LSAMP: variants seen among roughly 807,000 people sequenced by gnomAD.
LSAMP encodes the protein limbic system-associated membrane protein.
Under a neutral mutation model 38.6 loss-of-function variants are expected in LSAMP, and 7 were observed. The ratio of observed to expected loss-of-function variants is 0.18; its 90% CI spans 0.10 to 0.34. The LOEUF is 0.34. Among genes scored for constraint, LSAMP ranks in the 10% least tolerant of loss-of-function variants. The pLI is 1.00. For synonymous variants in LSAMP, 154 were observed against 166.8 expected (o/e 0.92, Z 0.59); for missense variants, 313 against 420.0 (o/e 0.75, Z 2.23).
At chr3:116,144,644 G>GT (rs1211838857) in intron 1 of LSAMP, among the ~76,000 whole-genome samples, 4 of 148,636 alleles carry the variant, frequency 2.7e-5, no homozygotes, top group African/African-American at 9.9e-5. Flanking sequence ...ATTTGTCAGT[G>GT]TTTTTTTATT....
At chr3:115,881,811 T>C (rs1210243791) in intron 3 of LSAMP, among the ~76,000 whole-genome samples, 1 of 152,180 alleles carries the variant, frequency 6.6e-6, no homozygotes, top group Non-Finnish European at 1.5e-5. Context: ...TAAATATTTA[T>C]TGATTATTGC....
Position 115,810,211 on chromosome 3 carries a change from G to T in LSAMP, c.*106C>A. Reference sequence around the variant, plus strand: ...AAACACACAAAGTTGTGAAATAAACGGTCTCCCCCATCTCTCTCTCTCTCT... The same window carrying T: ...AAACACACAAAGTTGTGAAATAAACTGTCTCCCCCATCTCTCTCTCTCTCT... On this transcript the variant is annotated 3_prime_UTR_variant, in exon 7 of 7. Coordinates refer to ENST00000490035, the MANE Select transcript of LSAMP (RefSeq NM_002338.5). The T allele has an allele frequency of 1.0e-5, 7 of 693,782 alleles. No individual in the cohort carries two copies. Among genetic ancestry groups the T allele is most frequent in the South Asian group, 4.4e-5 (2 of 45,920 alleles). 43.0% of individuals were successfully genotyped at this position (693,782 alleles called of 1,614,324 possible).
At position 116,149,619 on chromosome 3, in the gene LSAMP, T is replaced by G. The variant is rs559674577; in HGVS notation, c.156-63063A>C. On this transcript the variant is annotated intron_variant, in intron 1 of 6. Coordinates refer to ENST00000490035, the MANE Select transcript of LSAMP (RefSeq NM_002338.5). ...TTCTACTTAGTTGTTGCCTATTTTC[T>G]GATCTTTTGGGGGCTGGGCAGCTCA... Among the ~76,000 whole-genome samples, 10 of 8,080 alleles carry G rather than the reference T, an allele frequency of 1.2e-3. 1 individual carries two copies. The East Asian group carries it at 0.56, about 449-fold the overall frequency. The allele number at this position is 8,080 out of a possible 152,430, so 5.3% of individuals were successfully genotyped here.
intron 1 of LSAMP, among the ~76,000 whole-genome samples, chr3:116,249,521 G>A (rs1376306821): frequency 6.6e-6 from 1 of 151,954 alleles, no homozygotes. Flanking sequence ...GAGTAGCTGG[G>A]ATTACAGGTG....
chr3:116,076,467 C>T (rs1348899921), intron 2 of LSAMP, among the ~76,000 whole-genome samples: 1 of 152,062 alleles, frequency 6.6e-6, no homozygotes, highest in Non-Finnish European at 1.5e-5. Flanking sequence ...CTGTGTTAGC[C>T]AGGATGGTCT....
intron 1 of LSAMP, among the ~76,000 whole-genome samples, chr3:116,213,834 T>C (rs960513823): frequency 6.6e-6 from 1 of 152,194 alleles, no homozygotes; most frequent in African/African-American, 2.4e-5. Flanking sequence ...AGTCTACTTA[T>C]ATAAGGTATC....
At chr3:115,918,082 CT>C (rs1221884662) in intron 3 of LSAMP, among the ~76,000 whole-genome samples, 1 of 152,134 alleles carries the variant, frequency 6.6e-6, no homozygotes, top group Non-Finnish European at 1.5e-5. Flanking sequence ...ACATTTTTAT[CT>C]ACTGACCTCT....
intron 1 of LSAMP, among the ~76,000 whole-genome samples, chr3:116,144,210 T>G (rs1388336610): frequency 6.6e-6 from 1 of 152,038 alleles, no homozygotes; most frequent in African/African-American, 2.4e-5. Context: ...TTATATATGC[T>G]TCCACTTAAG....
At chr3:116,396,306 G>A (rs900181434) in intron 1 of LSAMP, among the ~76,000 whole-genome samples, 5 of 152,118 alleles carry the variant, frequency 3.3e-5, no homozygotes, top group African/African-American at 4.8e-5. Flanking sequence ...AGGAAAGAGC[G>A]TATCTATGTT....
At chr3:116,060,198 G>GTTTTT (rs55818433) in intron 2 of LSAMP, among the ~76,000 whole-genome samples, 3 of 141,994 alleles carry the variant, frequency 2.1e-5, no homozygotes, top group African/African-American at 8.1e-5. Context: ...AAGCAACATA[G>GTTTTT]TTTTTTTTTT....
chr3:116,249,141 T>A (rs1335003524), intron 1 of LSAMP, among the ~76,000 whole-genome samples: 1 of 88,340 alleles, frequency 1.1e-5, no homozygotes, highest in Non-Finnish European at 3.0e-5. Flanking sequence ...AGAGCGAGAC[T>A]CTGTCTCAAA....
chr3:115,957,171 C>A (rs1187549683), intron 3 of LSAMP, among the ~76,000 whole-genome samples: 1 of 152,182 alleles, frequency 6.6e-6, no homozygotes, highest in African/African-American at 2.4e-5. Context: ...AGAATCCTGG[C>A]ATTTTCATTT....
chr3:116,116,948 G>A (rs1708766159), intron 1 of LSAMP, among the ~76,000 whole-genome samples: 4 of 152,020 alleles, frequency 2.6e-5, no homozygotes, highest in Admixed American at 2.6e-4. Flanking sequence ...CCCACCATGG[G>A]CTGAACAGCA....
intron 1 of LSAMP, among the ~76,000 whole-genome samples, chr3:116,132,601 G>A (rs1277553632): frequency 4.6e-5 from 7 of 152,176 alleles, no homozygotes; most frequent in African/African-American, 7.2e-5. Flanking sequence ...TTAAGGTGGC[G>A]AGTAGTCTCA....
chr3:116,015,268 C>T (rs772615015), intron 3 of LSAMP, among the ~76,000 whole-genome samples: 3 of 152,058 alleles, frequency 2.0e-5, no homozygotes, highest in South Asian at 2.1e-4. Context: ...AGAAATGAAA[C>T]GCATAGAAAC....
intron 2 of LSAMP, among the ~76,000 whole-genome samples, chr3:116,058,280 G>A (rs1941527959): frequency 6.6e-6 from 1 of 152,040 alleles, no homozygotes; most frequent in South Asian, 2.1e-4. Context: ...TCTCCCACTA[G>A]ACTCTTGTGA....
At chr3:116,221,721 G>GGA (rs2046287046) in intron 1 of LSAMP, among the ~76,000 whole-genome samples, 1 of 152,098 alleles carries the variant, frequency 6.6e-6, no homozygotes, top group Non-Finnish European at 1.5e-5. Context: ...TGAAGATCCT[G>GGA]GTGTCTCACT....
chr3:115,956,986 T>C (rs1297679570), intron 3 of LSAMP, among the ~76,000 whole-genome samples: 1 of 152,186 alleles, frequency 6.6e-6, no homozygotes, highest in African/African-American at 2.4e-5. Context: ...TGAGGACCCA[T>C]TTAGTAAACC....
chr3:115,999,486 G>A (rs878901646), intron 3 of LSAMP, among the ~76,000 whole-genome samples: 6 of 152,204 alleles, frequency 3.9e-5, no homozygotes, highest in South Asian at 2.1e-4. Context: ...TGTGGACCCC[G>A]TCATGTCCTA....
Sources: allele counts gnomAD v4.1 joint callset (sites outside exome capture counted in the v4.1 genomes callset), GRCh38; gene constraint gnomAD v4.1.1; transcripts MANE v1.5; gene names NCBI Gene and HGNC (gene_info 2026-07-23, HGNC 2026-07-21).